EIF4E2: variants seen among roughly 807,000 people sequenced by gnomAD.
EIF4E2 encodes eukaryotic translation initiation factor 4E family member 2, also known as eukaryotic translation initiation factor 4E type 2.
Under a neutral mutation model 34.2 loss-of-function variants are expected in EIF4E2, and 13 were observed. The ratio of observed to expected loss-of-function variants is 0.38; its 90% CI spans 0.25 to 0.60. The LOEUF (loss-of-function observed/expected upper bound fraction) is 0.60, where lower values mean the gene tolerates loss of function less well. Ranked by LOEUF, EIF4E2 falls within the 20% of genes least tolerant of loss-of-function variation. EIF4E2 has a pLI of 0.62. For missense variants in EIF4E2, 222 were observed against 315.1 expected, an observed-to-expected ratio of 0.70 and a Z score of 2.24; for synonymous variants, 100 against 106.6, an observed-to-expected ratio of 0.94 and a Z score of 0.38.
At chr2:232,559,843 A>AAAAAAAAAT (rs369704486) in intron 3 of EIF4E2, among the ~76,000 whole-genome samples, 2 of 144,232 alleles carry the variant, frequency 1.4e-5, no homozygotes, top group African/African-American at 5.0e-5. Flanking sequence ...AAAAAAAAAA[A>AAAAAAAAAT]GGCTGGCCAT....
intron 6 of EIF4E2, among the ~76,000 whole-genome samples, chr2:232,579,123 TACACACACACAC>T (rs71056276): frequency 0.017 from 2,481 of 146,616 alleles, 77 homozygotes; most frequent in African/African-American, 0.053. Context: ...AACTCAGAAA[TACACACACACAC>T]ACACACACAC....
intron 3 of EIF4E2, chr2:232,558,702 T>C (rs1203515441): frequency 6.6e-6 from 1 of 152,170 alleles, no homozygotes; most frequent in African/African-American, 2.4e-5. Context: ...ACATGGTGTC[T>C]ATCTTCATGA....
intron 1 of EIF4E2, among the ~76,000 whole-genome samples, chr2:232,551,618 A>G (rs1275019880): frequency 6.6e-6 from 1 of 152,184 alleles, no homozygotes; most frequent in Non-Finnish European, 1.5e-5. Context: ...CTCAAACCAC[A>G]TTAGTGGCTA....
chr2:232,572,448 C>A (rs1345988218), downstream of EIF4E2, among the ~76,000 whole-genome samples: 1 of 152,174 alleles, frequency 6.6e-6, no homozygotes, highest in African/African-American at 2.4e-5. Flanking sequence ...TCACTGCAAC[C>A]TCTGCCTCCT....
intron 2 of EIF4E2, among the ~76,000 whole-genome samples, chr2:232,557,160 G>A (rs1243557047): frequency 2.6e-5 from 4 of 152,186 alleles, no homozygotes; most frequent in African/African-American, 7.2e-5. Flanking sequence ...CAGGAGAATC[G>A]CTTGAACCCA....
At chr2:232,551,287 A>G (rs1351883084) in intron 1 of EIF4E2, 4 of 471,540 alleles carry the variant, frequency 8.5e-6, no homozygotes, top group African/African-American at 4.0e-5. Flanking sequence ...GACTCTTCCT[A>G]CTTTCTTTCT....
intron 1 of EIF4E2, among the ~76,000 whole-genome samples, chr2:232,552,166 A>C (rs1692360164): frequency 6.6e-6 from 1 of 152,134 alleles, no homozygotes; most frequent in Non-Finnish European, 1.5e-5. Flanking sequence ...CTGCAGTAAG[A>C]ATGGTAATAA....
chr2:232,559,712 G>T (rs1257185002), intron 3 of EIF4E2, among the ~76,000 whole-genome samples: 1 of 151,838 alleles, frequency 6.6e-6, no homozygotes, highest in African/African-American at 2.4e-5. Context: ...GGGAGGCTGA[G>T]GTGGGAAGAT....
chr2:232,582,236 A>G (rs1435294296), exon 7 of EIF4E2: 1 of 152,658 alleles, frequency 6.6e-6, no homozygotes, highest in African/African-American at 2.4e-5. Context: ...AGTACCTTAA[A>G]TTAAGGCCTC....
At chr2:232,550,858 C>T in intron 1 of EIF4E2, 114 bp downstream of exon 1, 1 of 1,061,366 alleles carries the variant, frequency 9.4e-7, no homozygotes, top group Non-Finnish European at 1.3e-6. Flanking sequence ...CTGCTGGGAT[C>T]CGGCTGCGGC....
At chr2:232,574,323 T>C (rs1574676961) in intron 6 of EIF4E2, 1 of 1,550,558 alleles carries the variant, frequency 6.4e-7, no homozygotes, top group Non-Finnish European at 8.7e-7. Context: ...ACGCTCCCCC[T>C]CTGTCTCTCA....
rs530326426 is a variant in EIF4E2, at chr2:232,580,976, ATG to A, written c.*41_*42del. 51 of 1,546,952 alleles carry A rather than the reference ATG, an allele frequency of 3.3e-5. 1 individual carries two copies. The African/African-American group carries it at 5.9e-4, about 18-fold the overall frequency. On this transcript the variant is annotated 3_prime_UTR_variant, in exon 7 of 7. Transcript: ENST00000409098. ...CAAGCTGGCAATAATCCTTTTCTGTATGTGTGTGTTTGTCCGAAATGGATGGG... is the reference window on the plus strand; with the variant it reads ...CAAGCTGGCAATAATCCTTTTCTGTATGTGTGTTTGTCCGAAATGGATGGG...
At chr2:232,580,955 C>T in exon 7 of EIF4E2, 1 of 1,550,108 alleles carries the variant, frequency 6.5e-7, no homozygotes, top group Non-Finnish European at 8.7e-7. Flanking sequence ...AGTACACAAG[C>T]TGGCAATAAT....
At chr2:232,569,643 A>G (rs1027980631), downstream of EIF4E2, 5 of 152,198 alleles carry the variant, frequency 3.3e-5, no homozygotes, top group African/African-American at 1.2e-4. Flanking sequence ...GTGTGTATAT[A>G]GCTTCCTTGC....
intron 3 of EIF4E2, 158 bp downstream of exon 3, chr2:232,558,176 T>C: frequency 3.5e-6 from 3 of 862,068 alleles, no homozygotes; most frequent in Non-Finnish European, 5.1e-6. Context: ...TTCTTAGGTT[T>C]CTCACTAGAT....
rs1226589194 is a variant in EIF4E2, at chr2:232,566,217, T to G, written c.376-612T>G. 6.6e-6 allele frequency among the ~76,000 whole-genome samples: 1 copy of G among 152,222 alleles called. No individual in the cohort carries two copies. Among genetic ancestry groups the G allele is most frequent in the East Asian group, 1.9e-4 (1 of 5,198 alleles). ...TGTTTTGTTTTTTGAGACGGAGTCT[T>G]GCTGTGTTTCCCAGGCGGGAGTGCA... is the stretch of plus-strand genomic sequence containing the variant. On this transcript the variant is annotated intron_variant, in intron 4 of 6. Transcript: ENST00000258416. This position sits in a 1 kb window ranked among gnomAD's most constrained non-coding sequence, Gnocchi z 4.9.
downstream of EIF4E2, among the ~76,000 whole-genome samples, chr2:232,570,666 C>T (rs540584704): frequency 2.6e-5 from 4 of 152,184 alleles, no homozygotes; most frequent in East Asian, 1.9e-4. Flanking sequence ...CCAAGGAGGC[C>T]GGGCGAGGTG....
intron 1 of EIF4E2, chr2:232,551,006 A>G (rs1574653221): frequency 1.6e-6 from 1 of 608,670 alleles, no homozygotes. Context: ...CGGTAGGGGG[A>G]GATTTTCGGA....
In EIF4E2 at chr2:232,564,323, T is replaced by C. The variant is rs1161757288; in HGVS notation, c.347T>C (p.Phe116Ser). 6.3e-7 allele frequency: 1 copy of C among 1,589,322 alleles called. No homozygotes were observed. Among genetic ancestry groups the C allele is most frequent in the South Asian group, 1.1e-5 (1 of 87,154 alleles). ...DLTGHSDFHL[F>S]KEGIKPMWED... The stretch of plus-strand genomic sequence containing the variant: ...ACAGGCCACAGTGACTTCCATCTCT[T>C]CAAAGAAGGAATTAAACCCATGTGG... The change falls in exon 4 of 7, where the codon TTC becomes TCC. Residue 116 changes from phenylalanine (F) to serine (S), a missense_variant. Phe to Ser is a radical substitution (Grantham distance 155). Transcript: ENST00000258416.
Sources: gnomAD v4.1 joint callset for allele counts (sites outside exome capture counted in the v4.1 genomes callset) on GRCh38, gnomAD v4.1.1 for gene constraint, Gnocchi (gnomAD v3.1) non-coding constraint, MANE v1.5 for transcripts, NCBI Gene and HGNC (gene_info 2026-07-23, HGNC 2026-07-21) for gene names.